Variants in KHDRBS2 observed in about 807,000 individuals in gnomAD.
KHDRBS2 encodes the protein KH domain-containing, RNA-binding, signal transduction-associated protein 2.
In KHDRBS2, 26 loss-of-function variants were observed where a neutral mutation model predicts 44.3. The observed-to-expected ratio is 0.59, with a 90% confidence interval of 0.43 to 0.81. KHDRBS2 has a LOEUF of 0.81. Among genes scored for constraint, KHDRBS2 ranks in the 40% least tolerant of loss-of-function variants. The pLI is 0.00. For synonymous variants in KHDRBS2, 194 were observed against 151.1 expected (o/e 1.28, Z -2.08); for missense variants, 476 against 433.1 (o/e 1.10, Z -0.88).
At chr6:62,188,291 T>C (rs1195178848) in intron 1 of KHDRBS2, among the ~76,000 whole-genome samples, 1 of 152,116 alleles carries the variant, frequency 6.6e-6, no homozygotes, top group African/African-American at 2.4e-5. Context: ...TTATATCCAT[T>C]GAGCAACAAT....
At chr6:61,615,862 C>G in the KHDRBS2 span, among the ~76,000 whole-genome samples, 179 of 152,228 alleles carry the variant, frequency 1.2e-3, 1 homozygote, top group African/African-American at 4.2e-3. Flanking sequence ...ACATGCATTA[C>G]CTACCAGAGG....
intron 2 of KHDRBS2, among the ~76,000 whole-genome samples, chr6:62,110,694 G>T (rs1804799289): frequency 6.6e-6 from 1 of 152,066 alleles, no homozygotes; most frequent in Admixed American, 6.6e-5. Flanking sequence ...AAGCGAAACA[G>T]TGTCCTGGGG....
chr6:61,686,074 A>G (rs964811876), intron 8 of KHDRBS2, among the ~76,000 whole-genome samples: 2 of 151,782 alleles, frequency 1.3e-5, no homozygotes, highest in Non-Finnish European at 2.9e-5. Flanking sequence ...AAAGGAGATC[A>G]TGGAGCTTAC....
intron 1 of KHDRBS2, among the ~76,000 whole-genome samples, chr6:62,181,733 A>G (rs1283051084): frequency 1.3e-5 from 2 of 151,974 alleles, no homozygotes; most frequent in Non-Finnish European, 2.9e-5. Flanking sequence ...CCAAGATGAC[A>G]GTATTAAAAG....
intron 1 of KHDRBS2, among the ~76,000 whole-genome samples, chr6:62,277,396 C>T (rs1241887635): frequency 6.6e-6 from 1 of 152,096 alleles, no homozygotes. Context: ...AGCTGGAGTG[C>T]AGTGGCGTGA....
chr6:61,646,880 C>G, the KHDRBS2 span, among the ~76,000 whole-genome samples: 1 of 151,998 alleles, frequency 6.6e-6, no homozygotes, highest in Non-Finnish European at 1.5e-5. Context: ...AGTGCAGTGG[C>G]GTGATCTTGG....
At chr6:61,702,248 C>T (rs9294311) in intron 7 of KHDRBS2, among the ~76,000 whole-genome samples, 53,563 of 151,642 alleles carry the variant, frequency 0.35, 10,281 homozygotes, top group East Asian at 0.48. Context: ...TAATTTTTTA[C>T]GACTTGTTTA....
At chr6:61,815,420 A>G (rs1262316320) in intron 6 of KHDRBS2, among the ~76,000 whole-genome samples, 1 of 152,206 alleles carries the variant, frequency 6.6e-6, no homozygotes, top group Non-Finnish European at 1.5e-5. Flanking sequence ...AGGAACTACG[A>G]TAATATTTTA....
chr6:61,880,412 A>G (rs1012848931), intron 6 of KHDRBS2, among the ~76,000 whole-genome samples: 1 of 151,956 alleles, frequency 6.6e-6, no homozygotes, highest in African/African-American at 2.4e-5. Context: ...TGCCTAAGTG[A>G]CATATGAAAC....
intron 3 of KHDRBS2, among the ~76,000 whole-genome samples, chr6:62,038,885 T>C (rs1212212649): frequency 6.6e-6 from 1 of 152,090 alleles, no homozygotes; most frequent in African/African-American, 2.4e-5. Flanking sequence ...TTTTGCTTTT[T>C]CAATAACCAT....
chr6:61,847,972 C>T (rs1164056265), intron 6 of KHDRBS2, among the ~76,000 whole-genome samples: 1 of 151,940 alleles, frequency 6.6e-6, no homozygotes, highest in Non-Finnish European at 1.5e-5. Flanking sequence ...ACTGCCCTTC[C>T]ATAATTGGTA....
intron 6 of KHDRBS2, among the ~76,000 whole-genome samples, chr6:61,820,369 A>G (rs1583006845): frequency 6.6e-6 from 1 of 152,080 alleles, no homozygotes; most frequent in East Asian, 1.9e-4. Context: ...GGGAGGTGAG[A>G]AAATAGAGAA....
intron 6 of KHDRBS2, among the ~76,000 whole-genome samples, chr6:61,874,934 A>G (rs1363431353): frequency 2.0e-5 from 3 of 152,236 alleles, no homozygotes; most frequent in Non-Finnish European, 4.4e-5. Context: ...TTTTTGATTG[A>G]GCACTTATTT....
At chr6:61,846,377 C>A (rs1794406934) in intron 6 of KHDRBS2, among the ~76,000 whole-genome samples, 1 of 152,084 alleles carries the variant, frequency 6.6e-6, no homozygotes, top group Non-Finnish European at 1.5e-5. Flanking sequence ...ACCTTTACCC[C>A]AAAGTGGCTA....
Position 61,697,229 on chromosome 6 carries a change from A to G in KHDRBS2, c.918T>C (p.Gly306=), listed in dbSNP as rs1195289162. ...CATAGGCATCCTCACTTACTCCATG[A>G]CCGTAGTCATAGTATTCAGGCACAC... is the stretch of plus-strand genomic sequence containing the variant. ...TQSVPEYYDY[G]HGVSEDAYDS... is the part of the protein sequence containing the mutation. The change falls in exon 8 of 9, where the codon GGT becomes GGC. Residue 306 remains glycine, a synonymous_variant. Transcript: ENST00000281156. 1.2e-6 allele frequency: 2 copies of G among 1,610,298 alleles called. No homozygotes were observed. The highest frequency in any genetic ancestry group is 3.3e-5 in the Admixed American group (2 of 60,002).
chr6:62,263,809 CT>C (rs1838753072), intron 1 of KHDRBS2, among the ~76,000 whole-genome samples: 2 of 151,676 alleles, frequency 1.3e-5, no homozygotes, highest in South Asian at 4.1e-4. Flanking sequence ...GTTTTACATC[CT>C]TGCCATAGAG....
chr6:61,546,297 A>C, the KHDRBS2 span, among the ~76,000 whole-genome samples: 1 of 151,984 alleles, frequency 6.6e-6, no homozygotes, highest in Non-Finnish European at 1.5e-5. Flanking sequence ...GAATGTAAAA[A>C]ATAACAGAAA....
chr6:62,068,006 T>G (rs1056403039), intron 2 of KHDRBS2, among the ~76,000 whole-genome samples: 4 of 151,620 alleles, frequency 2.6e-5, no homozygotes, highest in African/African-American at 9.7e-5. Flanking sequence ...TTAGAAAATT[T>G]TGTGTACAGC....
intron 6 of KHDRBS2, among the ~76,000 whole-genome samples, chr6:61,752,277 G>A (rs1348593531): frequency 6.6e-6 from 1 of 152,080 alleles, no homozygotes; most frequent in South Asian, 2.1e-4. Context: ...CATCTGGACT[G>A]TTCTGCAAGA....
Sources: allele counts gnomAD v4.1 joint callset (sites outside exome capture counted in the v4.1 genomes callset), GRCh38; gene constraint gnomAD v4.1.1; transcripts MANE v1.5; gene names NCBI Gene and HGNC (gene_info 2026-07-23, HGNC 2026-07-21).